The following DOCK1 variants were observed in gnomAD, a reference collection of about 807,000 sequenced individuals.
The protein encoded by DOCK1 is dedicator of cytokinesis 1, also known as dedicator of cytokinesis protein 1.
DOCK1 carries 138 observed loss-of-function variants against 262.7 expected under a neutral mutation model. The observed-to-expected ratio is 0.53, with a 90% CI of 0.46 to 0.61. The LOEUF (loss-of-function observed/expected upper bound fraction) is 0.61. Ranked by LOEUF, DOCK1 falls within the 20% of genes least tolerant of loss-of-function variation. The probability of loss-of-function intolerance (pLI) is 0.00; values close to 1 mark genes in which losing one functional copy is unlikely to be tolerated. For synonymous variants in DOCK1, 866 were observed against 867.4 expected (o/e 1.00, Z 0.03); for missense variants, 1,908 against 2,370.7 (o/e 0.80, Z 4.05).
intron 4 of DOCK1, among the ~76,000 whole-genome samples, chr10:126,983,068 C>A (rs1269529011): frequency 2.0e-5 from 3 of 152,208 alleles, no homozygotes; most frequent in Non-Finnish European, 4.4e-5. Flanking sequence ...ACCAGACAGG[C>A]AGACAGAGAC....
chr10:127,438,248 A>C (rs1887097), intron 48 of DOCK1, among the ~76,000 whole-genome samples: 6 of 151,964 alleles, frequency 3.9e-5, no homozygotes, highest in African/African-American at 1.2e-4. Context: ...AATCACAATC[A>C]TGTGTGGATA....
chr10:127,060,837 G>A (rs912597460), intron 22 of DOCK1, among the ~76,000 whole-genome samples: 4 of 152,182 alleles, frequency 2.6e-5, no homozygotes, highest in African/African-American at 9.7e-5. Context: ...GAATAAAAAA[G>A]CAACTCTTGT....
intron 29 of DOCK1, among the ~76,000 whole-genome samples, chr10:127,281,137 T>A (rs920852771): frequency 6.6e-6 from 1 of 152,234 alleles, no homozygotes; most frequent in African/African-American, 2.4e-5. Flanking sequence ...GGGCTTTGCC[T>A]CACTCATACA....
chr10:127,438,329 C>T (rs1238938123), intron 48 of DOCK1, among the ~76,000 whole-genome samples: 1 of 152,216 alleles, frequency 6.6e-6, no homozygotes, highest in East Asian at 1.9e-4. Context: ...ATGGTATAAC[C>T]ACGAATGTGT....
intron 1 of DOCK1, among the ~76,000 whole-genome samples, chr10:126,930,233 T>C (rs1269333312): frequency 6.6e-6 from 1 of 152,268 alleles, no homozygotes; most frequent in African/African-American, 2.4e-5. Flanking sequence ...TTCCACCTTT[T>C]GGCTCTTGTG....
At chr10:127,318,434 C>CTG (rs1475897645) in intron 29 of DOCK1, among the ~76,000 whole-genome samples, 1 of 152,266 alleles carries the variant, frequency 6.6e-6, no homozygotes, top group East Asian at 1.9e-4. Context: ...TGGCTGGGAG[C>CTG]TGTGACATTG....
intron 31 of DOCK1, among the ~76,000 whole-genome samples, chr10:127,344,844 C>T (rs548210970): frequency 6.6e-6 from 1 of 152,082 alleles, no homozygotes; most frequent in East Asian, 1.9e-4. Context: ...GCACTCCAGC[C>T]TGGGCAACAT....
At chr10:126,920,531 T>G (rs2033078042) in intron 1 of DOCK1, among the ~76,000 whole-genome samples, 1 of 152,208 alleles carries the variant, frequency 6.6e-6, no homozygotes, top group South Asian at 2.1e-4. Context: ...CCAAATGCAG[T>G]AATGAAAAGC....
chr10:127,277,386 GT>G (rs2060780376), intron 29 of DOCK1, among the ~76,000 whole-genome samples: 1 of 152,048 alleles, frequency 6.6e-6, no homozygotes, highest in African/African-American at 2.4e-5. Context: ...TCTTGGTTTT[GT>G]TTTTTTATTT....
At chr10:127,236,500 G>GTTTTTTTTTTTTTTTTT in intron 27 of DOCK1, among the ~76,000 whole-genome samples, 1 of 66,786 alleles carries the variant, frequency 1.5e-5, no homozygotes, top group Non-Finnish European at 2.7e-5. Flanking sequence ...CTTGACACGG[G>GTTTTTTTTTTTTTTTTT]TTTTTTTTTT....
intron 29 of DOCK1, among the ~76,000 whole-genome samples, chr10:127,316,648 A>G (rs2062295316): frequency 6.6e-6 from 1 of 152,050 alleles, no homozygotes; most frequent in East Asian, 1.9e-4. Flanking sequence ...TTTGGCAAAG[A>G]TGTATGACCC....
chr10:126,970,472 T>C (rs11016850), intron 1 of DOCK1, among the ~76,000 whole-genome samples: 22,279 of 152,192 alleles, frequency 0.15, 2,294 homozygotes, highest in East Asian at 0.55. Context: ...ATGTCACTTA[T>C]GGTCATCTGG....
chr10:127,265,836 G>T (rs188754972), intron 29 of DOCK1, among the ~76,000 whole-genome samples: 309 of 152,374 alleles, frequency 2.0e-3, no homozygotes, highest in Non-Finnish European at 3.3e-3. Flanking sequence ...AGGGCCTTAA[G>T]CCCTAGAAAG....
chr10:127,424,034 A>G (rs1015347858), intron 46 of DOCK1, among the ~76,000 whole-genome samples: 1 of 152,048 alleles, frequency 6.6e-6, no homozygotes, highest in Non-Finnish European at 1.5e-5. Context: ...AGTGGAACCC[A>G]CTCAACTACA....
At chr10:127,380,938 G>A (rs1359640076) in intron 36 of DOCK1, among the ~76,000 whole-genome samples, 2 of 152,100 alleles carry the variant, frequency 1.3e-5, no homozygotes, top group African/African-American at 2.4e-5. Flanking sequence ...TATTCTGATG[G>A]ATTTGTATTT....
At chr10:127,230,396 C>T (rs1035020646) in intron 27 of DOCK1, among the ~76,000 whole-genome samples, 25 of 152,046 alleles carry the variant, frequency 1.6e-4, no homozygotes, top group Non-Finnish European at 5.9e-5. Context: ...AGCAGTTTTA[C>T]AGTTTCAGGC....
intron 1 of DOCK1, among the ~76,000 whole-genome samples, chr10:126,963,610 C>G (rs1044745746): frequency 5.6e-5 from 4 of 71,386 alleles, no homozygotes; most frequent in African/African-American, 2.7e-4. Flanking sequence ...CTTCCCTTCC[C>G]TTCCCTTCCC....
At chr10:126,958,308 G>A (rs2036911988) in intron 1 of DOCK1, among the ~76,000 whole-genome samples, 1 of 152,244 alleles carries the variant, frequency 6.6e-6, no homozygotes, top group African/African-American at 2.4e-5. Context: ...AGAGATATTG[G>A]ATGTCATGGT....
At chr10:126,977,916 G>T (rs1221306270) in intron 2 of DOCK1, 32 bp from the exon 3 acceptor site, 2 of 1,612,200 alleles carry the variant, frequency 1.2e-6, no homozygotes, top group Non-Finnish European at 1.7e-6. Flanking sequence ...ATGTCTCTTT[G>T]TACTAACTGT....
Sources: allele counts gnomAD v4.1 joint callset (sites outside exome capture counted in the v4.1 genomes callset), GRCh38; gene constraint gnomAD v4.1.1; transcripts MANE v1.5; gene names NCBI Gene and HGNC (gene_info 2026-07-23, HGNC 2026-07-21).